KCNN2: variants seen among roughly 807,000 people sequenced by gnomAD.
KCNN2 encodes the protein small conductance calcium-activated potassium channel protein 2.
A neutral mutation model predicts 55.5 loss-of-function variants in KCNN2; 24 were observed. The observed-to-expected ratio is 0.43, with a 90% CI of 0.31 to 0.61. KCNN2 has a LOEUF of 0.61. KCNN2 is among the 20% of genes least tolerant of loss of function. The pLI, the probability that KCNN2 is intolerant of heterozygous loss-of-function variation, is 0.08. For missense variants in KCNN2, 754 were observed against 853.6 expected (o/e 0.88, Z 1.45); for synonymous variants, 431 against 336.1 (o/e 1.28, Z -3.09).
intron 2 of KCNN2, among the ~76,000 whole-genome samples, chr5:114,398,589 T>C (rs960511506): frequency 1.3e-5 from 2 of 152,122 alleles, no homozygotes; most frequent in African/African-American, 4.8e-5. Flanking sequence ...GTGAAGAATG[T>C]CATTGACAGT....
chr5:114,453,367 A>T (rs1367954725), intron 3 of KCNN2, among the ~76,000 whole-genome samples: 5 of 152,182 alleles, frequency 3.3e-5, no homozygotes, highest in Non-Finnish European at 7.3e-5. Flanking sequence ...AAAACAAATA[A>T]TGTTAGAGGC....
chr5:114,437,627 C>T (rs1296222510), intron 3 of KCNN2, among the ~76,000 whole-genome samples: 2 of 152,136 alleles, frequency 1.3e-5, no homozygotes, highest in Non-Finnish European at 2.9e-5. Flanking sequence ...GAAAGTGTTA[C>T]ATAGTTCAAA....
At chr5:114,466,075 G>T (rs1240709140) in intron 4 of KCNN2, among the ~76,000 whole-genome samples, 1 of 151,790 alleles carries the variant, frequency 6.6e-6, no homozygotes, top group Non-Finnish European at 1.5e-5. Context: ...GACCAATATG[G>T]GAATTAAAGC....
At chr5:114,353,753 A>G (rs1445989070) in intron 2 of KCNN2, among the ~76,000 whole-genome samples, 4 of 152,004 alleles carry the variant, frequency 2.6e-5, no homozygotes, top group Admixed American at 6.6e-5. Flanking sequence ...AGTGCTTTGA[A>G]TATACCATCC....
intron 2 of KCNN2, among the ~76,000 whole-genome samples, chr5:114,282,046 A>G (rs1229052152): frequency 6.6e-6 from 1 of 152,064 alleles, no homozygotes; most frequent in East Asian, 1.9e-4. Flanking sequence ...CATTCTCATG[A>G]CTAATATTTA....
At chr5:114,225,420 G>A (rs1338164391) in intron 2 of KCNN2, among the ~76,000 whole-genome samples, 1 of 152,060 alleles carries the variant, frequency 6.6e-6, no homozygotes, top group Non-Finnish European at 1.5e-5. Flanking sequence ...GAACAGAAAA[G>A]GTGGAATAGA....
At chr5:114,148,247 G>T (rs911708857) in intron 1 of KCNN2, among the ~76,000 whole-genome samples, 1 of 152,148 alleles carries the variant, frequency 6.6e-6, no homozygotes, top group Non-Finnish European at 1.5e-5. Context: ...GAATCGTGGA[G>T]GGGGAGGGCA....
intron 2 of KCNN2, among the ~76,000 whole-genome samples, chr5:114,388,554 T>TTA (rs1337176963): frequency 6.6e-6 from 1 of 152,166 alleles, no homozygotes. Context: ...ATAACTATAA[T>TTA]TATATATAGT....
Position 114,089,625 on chromosome 5 carries a change from C to T in KCNN2, c.-271+33125C>T, listed in dbSNP as rs1751094584. ...TGCCAATTCCAGCTGCCTGTGCCCC[C>T]ATGAACTTAAATCTCTGTTTTCTTG... On this transcript the variant is annotated intron_variant, in intron 1 of 10. Transcript: ENST00000512097. Among the ~76,000 whole-genome samples, 3 of 152,184 alleles carry T rather than the reference C, an allele frequency of 2.0e-5. No individual in the cohort carries two copies. The South Asian group carries it at 6.2e-4, about 32-fold the overall frequency.
chr5:114,293,271 G>C (rs981271508), intron 2 of KCNN2, among the ~76,000 whole-genome samples: 12 of 152,248 alleles, frequency 7.9e-5, no homozygotes, highest in Admixed American at 6.5e-4. Flanking sequence ...TCTTGTGCCA[G>C]TTTTCAAAGG....
intron 2 of KCNN2, among the ~76,000 whole-genome samples, chr5:114,223,490 A>C (rs959828176): frequency 2.0e-5 from 3 of 152,184 alleles, no homozygotes; most frequent in Non-Finnish European, 4.4e-5. Flanking sequence ...ACATTTAATA[A>C]AATTAATGGT....
chr5:114,243,707 A>G (rs1754690658), intron 2 of KCNN2, among the ~76,000 whole-genome samples: 1 of 152,218 alleles, frequency 6.6e-6, no homozygotes, highest in African/African-American at 2.4e-5. Context: ...ACTTTATCAT[A>G]GGTATGTATA....
chr5:114,371,732 T>G (rs1757764092), intron 2 of KCNN2, among the ~76,000 whole-genome samples: 1 of 152,182 alleles, frequency 6.6e-6, no homozygotes, highest in Non-Finnish European at 1.5e-5. Flanking sequence ...CCAATTTCTT[T>G]GAATATTCCT....
intron 2 of KCNN2, among the ~76,000 whole-genome samples, chr5:114,336,246 T>C (rs1756922507): frequency 6.6e-6 from 1 of 152,234 alleles, no homozygotes; most frequent in African/African-American, 2.4e-5. Flanking sequence ...ATAGAGTATC[T>C]GGACTTGGAC....
chr5:114,073,204 G>A (rs1750614298), intron 1 of KCNN2, among the ~76,000 whole-genome samples: 1 of 152,188 alleles, frequency 6.6e-6, no homozygotes, highest in African/African-American at 2.4e-5. Flanking sequence ...CCCATCAGAT[G>A]TGCCCTAGAG....
At chr5:114,464,453 C>T (rs1761347724) in intron 4 of KCNN2, among the ~76,000 whole-genome samples, 1 of 152,186 alleles carries the variant, frequency 6.6e-6, no homozygotes, top group Non-Finnish European at 1.5e-5. Context: ...ACTGTATTCA[C>T]CCACAGGCTG....
At chr5:114,437,387 A>G (rs755035165) in intron 3 of KCNN2, among the ~76,000 whole-genome samples, 1 of 152,110 alleles carries the variant, frequency 6.6e-6, no homozygotes, top group Non-Finnish European at 1.5e-5. Flanking sequence ...ATTTATTGAC[A>G]TTTTAGAAAT....
intron 1 of KCNN2, among the ~76,000 whole-genome samples, chr5:114,157,713 T>C (rs1752667131): frequency 1.3e-5 from 2 of 152,320 alleles, no homozygotes; most frequent in African/African-American, 4.8e-5. Context: ...TGGTGTGAGA[T>C]GGTATCTCAT....
At chr5:114,220,797 G>A (rs1271532406) in intron 1 of KCNN2, among the ~76,000 whole-genome samples, 1 of 140,914 alleles carries the variant, frequency 7.1e-6, no homozygotes, top group Non-Finnish European at 1.5e-5. Flanking sequence ...CTGCACTCTA[G>A]CCTGCCTGAC....
Sources: gnomAD v4.1 joint callset for allele counts (sites outside exome capture counted in the v4.1 genomes callset) on GRCh38, gnomAD v4.1.1 for gene constraint, MANE v1.5 for transcripts, NCBI Gene and HGNC (gene_info 2026-07-23, HGNC 2026-07-21) for gene names.